The following UTRN variants were observed in gnomAD, a reference collection of about 807,000 sequenced individuals.
The protein encoded by UTRN is utrophin.
Under a neutral mutation model 463.9 loss-of-function variants are expected in UTRN, and 283 were observed. The ratio of observed to expected loss-of-function variants is 0.61; its 90% CI spans 0.55 to 0.67. The LOEUF is 0.67. Among genes scored for constraint, UTRN ranks in the 30% least tolerant of loss-of-function variants. The pLI, the probability that UTRN is intolerant of heterozygous loss-of-function variation, is 0.00. For missense variants in UTRN, 3,922 were observed against 4,084.3 expected (o/e 0.96, Z 1.08); for synonymous variants, 1,442 against 1,431.5 (o/e 1.01, Z -0.17).
rs1562832398 is a variant in UTRN, at chr6:144,732,239, C to CACATAT, written c.7939+1754_7939+1755insCATATA. ...TTATATATATATATATATATATATA[C>CACATAT]ATATATATATATATATATACACACA... On this transcript the variant is annotated intron_variant, in intron 54 of 74. Transcript: ENST00000367545. 2.0e-4 allele frequency among the ~76,000 whole-genome samples: 23 copies of CACATAT among 116,056 alleles called. 1 individual carries two copies. The East Asian group carries it at 3.3e-3, about 17-fold the overall frequency. The allele number at this position is 116,056 out of a possible 152,430, so 76.1% of individuals were successfully genotyped here.
chr6:144,617,858 T>C (rs1806305369), intron 51 of UTRN, among the ~76,000 whole-genome samples: 2 of 152,170 alleles, frequency 1.3e-5, no homozygotes, highest in East Asian at 3.8e-4. Context: ...AATTTACTGC[T>C]ACCCACTCGG....
chr6:144,455,982 C>T (rs1354594748), intron 19 of UTRN, among the ~76,000 whole-genome samples: 1 of 152,216 alleles, frequency 6.6e-6, no homozygotes, highest in East Asian at 1.9e-4. Flanking sequence ...TATACTTGCC[C>T]AATTTCATAG....
At chr6:144,371,721 T>C (rs1780003455) in intron 2 of UTRN, among the ~76,000 whole-genome samples, 1 of 152,220 alleles carries the variant, frequency 6.6e-6, no homozygotes, top group Admixed American at 6.5e-5. Flanking sequence ...GATTAACTTT[T>C]ATATTTCACA....
chr6:144,458,716 C>T, intron 19 of UTRN, 54 bp from the exon 20 acceptor site: 3 of 1,514,562 alleles, frequency 2.0e-6, no homozygotes, highest in Non-Finnish European at 2.6e-6. Flanking sequence ...AGAATAAATT[C>T]AAGACACATT....
At chr6:144,297,648 C>G (rs1338306441) in intron 2 of UTRN, among the ~76,000 whole-genome samples, 1 of 152,128 alleles carries the variant, frequency 6.6e-6, no homozygotes, top group African/African-American at 2.4e-5. Flanking sequence ...TCCATGAGCC[C>G]TGGGGATTTG....
chr6:144,684,425 A>G (rs1270069204), intron 52 of UTRN, among the ~76,000 whole-genome samples: 1 of 152,072 alleles, frequency 6.6e-6, no homozygotes, highest in African/African-American at 2.4e-5. Context: ...AACTTTTTAT[A>G]TTTTGATTTC....
chr6:144,724,024 AAAAAAG>A (rs1468916176), intron 53 of UTRN, among the ~76,000 whole-genome samples: 5 of 150,564 alleles, frequency 3.3e-5, no homozygotes, highest in African/African-American at 1.2e-4. Context: ...AAAAAAAAAA[AAAAAAG>A]AAAGAAAAAA....
rs192927328 is a variant in UTRN at position 144,523,467 on chromosome 6, G to A, written c.5906+279G>A. Reference sequence around the variant, plus strand: ...TGGGATTACAGGCGCACACCACCACGCCTGGCTAATTTTTGTATTTTTAGT... The same window carrying A: ...TGGGATTACAGGCGCACACCACCACACCTGGCTAATTTTTGTATTTTTAGT... On this transcript the variant is annotated intron_variant, in intron 41 of 74. Coordinates refer to ENST00000367545, the MANE Select transcript of UTRN (RefSeq NM_007124.3). Among the ~76,000 whole-genome samples the A allele has an allele frequency of 3.3e-3, 488 of 147,200 alleles. 4 individuals are homozygous for A. Among genetic ancestry groups the A allele is most frequent in the Non-Finnish European group, 5.1e-3 (340 of 66,030 alleles).
chr6:144,312,296 C>T (rs934006912), intron 2 of UTRN, among the ~76,000 whole-genome samples: 7 of 151,938 alleles, frequency 4.6e-5, no homozygotes, highest in Middle Eastern at 3.2e-3. Context: ...TGATGGCAGG[C>T]GCCTGTAGTC....
At chr6:144,800,071 G>A (rs1309245922) in intron 64 of UTRN, among the ~76,000 whole-genome samples, 1 of 152,144 alleles carries the variant, frequency 6.6e-6, no homozygotes, top group Non-Finnish European at 1.5e-5. Flanking sequence ...GCCATATATA[G>A]ATATATATAA....
At chr6:144,531,607 T>C (rs1352751986) in intron 42 of UTRN, among the ~76,000 whole-genome samples, 2 of 152,318 alleles carry the variant, frequency 1.3e-5, no homozygotes, top group Non-Finnish European at 2.9e-5. Flanking sequence ...TATCATAAAG[T>C]AAATTATTCT....
intron 19 of UTRN, among the ~76,000 whole-genome samples, chr6:144,454,959 C>T (rs1788674776): frequency 6.6e-6 from 1 of 152,098 alleles, no homozygotes. Flanking sequence ...CACCTTCCTC[C>T]CTCCAGAAAA....
chr6:144,676,221 G>A (rs1247448543), intron 51 of UTRN, among the ~76,000 whole-genome samples: 3 of 151,962 alleles, frequency 2.0e-5, no homozygotes, highest in African/African-American at 4.8e-5. Context: ...GACTTTCTTT[G>A]TACTTTCTTT....
chr6:144,523,254 A>G, intron 41 of UTRN, 66 bp downstream of exon 41: 1 of 1,242,730 alleles, frequency 8.0e-7, no homozygotes, highest in Admixed American at 2.7e-5. Flanking sequence ...CGTGAAGAAG[A>G]TCATGTGGAC....
chr6:144,666,612 C>T (rs1373265771), intron 51 of UTRN, among the ~76,000 whole-genome samples: 5 of 152,126 alleles, frequency 3.3e-5, no homozygotes, highest in Non-Finnish European at 7.4e-5. Flanking sequence ...GTATATTTGG[C>T]AAAGTTAATA....
chr6:144,437,737 GA>G lies in UTRN; in HGVS notation c.1233del (p.Arg411SerfsTer9). ...WEALRVESMD[R>X]QSRLHDVLME... ...GCTCTTAGGGTGGAGAGTATGGACA[GA>G]CAGTCCCGGTGAGTGGAAAGCCAAG... On this transcript the variant is annotated frameshift_variant, in exon 11 of 75. Transcript: ENST00000367545. LOFTEE classifies it high-confidence loss of function. The G allele has an allele frequency of 6.2e-7, 1 of 1,612,518 alleles. No homozygotes were observed. Among genetic ancestry groups the G allele is most frequent in the South Asian group, 1.1e-5 (1 of 90,800 alleles).
intron 41 of UTRN, among the ~76,000 whole-genome samples, chr6:144,530,615 T>C (rs1796959405): frequency 6.6e-6 from 1 of 152,242 alleles, no homozygotes; most frequent in Admixed American, 6.5e-5. Context: ...TATTTCACAG[T>C]ATTTAAATGT....
intron 33 of UTRN, 41 bp downstream of exon 33, chr6:144,493,497 C>A: frequency 6.4e-7 from 1 of 1,554,714 alleles, no homozygotes; most frequent in Non-Finnish European, 8.7e-7. Flanking sequence ...CTGTCTCTCT[C>A]TCTCTCTCTC....
intron 25 of UTRN, among the ~76,000 whole-genome samples, chr6:144,476,321 A>C (rs953138596): frequency 4.6e-5 from 7 of 151,966 alleles, no homozygotes; most frequent in African/African-American, 1.7e-4. Flanking sequence ...GAATTCTTAT[A>C]AGGTTACTGC....
Sources: allele counts gnomAD v4.1 joint callset (sites outside exome capture counted in the v4.1 genomes callset), GRCh38; gene constraint gnomAD v4.1.1; transcripts MANE v1.5; gene names NCBI Gene and HGNC (gene_info 2026-07-23, HGNC 2026-07-21).